FRMD4A: variants seen among roughly 807,000 people sequenced by gnomAD.
The protein encoded by FRMD4A is FERM domain-containing protein 4A.
FRMD4A carries 29 observed loss-of-function variants against 129.1 expected under a neutral mutation model. The observed-to-expected ratio is 0.22, with a 90% confidence interval of 0.17 to 0.31. The LOEUF is 0.31. FRMD4A is among the 10% of genes least tolerant of loss of function. The pLI is 1.00. For missense variants in FRMD4A, 1,272 were observed against 1,375.8 expected, an observed-to-expected ratio of 0.92 and a Z score of 1.19; for synonymous variants, 634 against 571.6, an observed-to-expected ratio of 1.11 and a Z score of -1.56.
chr10:13,673,481 C>G (rs185503724), intron 16 of FRMD4A, among the ~76,000 whole-genome samples: 1 of 152,156 alleles, frequency 6.6e-6, no homozygotes, highest in South Asian at 2.1e-4. Flanking sequence ...TGTTTACCGG[C>G]GAAGCTCTTT....
intron 2 of FRMD4A, among the ~76,000 whole-genome samples, chr10:13,869,267 C>T (rs11258682): frequency 0.12 from 18,784 of 152,138 alleles, 1,426 homozygotes; most frequent in Non-Finnish European, 0.17. Flanking sequence ...GACGATGAGG[C>T]GTGGACCCAG....
chr10:14,158,837 A>AGAGGAGGAGGAGGAG (rs71388159), intron 2 of FRMD4A, among the ~76,000 whole-genome samples: 43 of 137,132 alleles, frequency 3.1e-4, no homozygotes, highest in African/African-American at 9.8e-4. Context: ...AGGAGGAGAA[A>AGAGGAGGAGGAGGAG]GAGGAGGAGG....
chr10:13,997,039 T>C (rs868507799), intron 2 of FRMD4A, among the ~76,000 whole-genome samples: 4 of 134,796 alleles, frequency 3.0e-5, no homozygotes, highest in Non-Finnish European at 5.2e-5. Context: ...AAACAGGTTT[T>C]CCCTCTGCTA....
intron 2 of FRMD4A, among the ~76,000 whole-genome samples, chr10:14,191,404 A>G (rs1307061098): frequency 6.6e-6 from 1 of 152,228 alleles, no homozygotes; most frequent in Non-Finnish European, 1.5e-5. Flanking sequence ...GCCAGCTCCT[A>G]AGAGAAAGGA....
intron 2 of FRMD4A, among the ~76,000 whole-genome samples, chr10:14,085,594 A>G (rs1484485540): frequency 6.6e-6 from 1 of 152,290 alleles, no homozygotes; most frequent in Non-Finnish European, 1.5e-5. Flanking sequence ...GCCCATGGGG[A>G]TGCTGGGGAC....
chr10:13,667,718 C>T (rs1423197892), intron 17 of FRMD4A: 1 of 152,184 alleles, frequency 6.6e-6, no homozygotes, highest in African/African-American at 2.4e-5. Context: ...AAAACCCCTC[C>T]GGATCAGAGC....
At chr10:14,099,804 A>G (rs1321031631) in intron 2 of FRMD4A, among the ~76,000 whole-genome samples, 1 of 152,126 alleles carries the variant, frequency 6.6e-6, no homozygotes, top group African/African-American at 2.4e-5. Flanking sequence ...TAACTTTTTT[A>G]CTTTTGGAGA....
chr10:13,673,295 A>G (rs2083671820), intron 16 of FRMD4A, among the ~76,000 whole-genome samples: 1 of 152,182 alleles, frequency 6.6e-6, no homozygotes, highest in African/African-American at 2.4e-5. Context: ...TTCTGCTTTG[A>G]GCTGGCTCCG....
chr10:13,965,283 G>A (rs2095478690), intron 2 of FRMD4A, among the ~76,000 whole-genome samples: 1 of 152,018 alleles, frequency 6.6e-6, no homozygotes, highest in Admixed American at 6.6e-5. Context: ...ATCAAGATAT[G>A]GCTGCATCTT....
intron 2 of FRMD4A, among the ~76,000 whole-genome samples, chr10:13,932,185 TGC>T (rs1463166278): frequency 1.3e-5 from 2 of 152,112 alleles, no homozygotes; most frequent in Non-Finnish European, 2.9e-5. Context: ...CCTGGTCCTC[TGC>T]TTTGTCCTTG....
chr10:14,228,001 G>A (rs557792031), intron 2 of FRMD4A, among the ~76,000 whole-genome samples: 107 of 152,164 alleles, frequency 7.0e-4, no homozygotes, highest in African/African-American at 2.5e-3. Flanking sequence ...AGCCTCCCAA[G>A]GAGCTGCGAC....
chr10:13,742,008 C>T (rs1168263320), intron 9 of FRMD4A, among the ~76,000 whole-genome samples: 1 of 152,108 alleles, frequency 6.6e-6, no homozygotes, highest in African/African-American at 2.4e-5. Flanking sequence ...AGGTGTGTGT[C>T]ACCACACCTT....
intron 2 of FRMD4A, among the ~76,000 whole-genome samples, chr10:13,999,845 C>A (rs1192048303): frequency 1.3e-5 from 2 of 152,158 alleles, no homozygotes; most frequent in Non-Finnish European, 2.9e-5. Flanking sequence ...GGTGATGACA[C>A]GGATGTTCGT....
intron 3 of FRMD4A, among the ~76,000 whole-genome samples, chr10:13,829,312 G>C (rs72771055): frequency 0.014 from 2,140 of 152,230 alleles, 30 homozygotes; most frequent in Admixed American, 0.032. Context: ...ACTCCTTGAG[G>C]CCAGGAATTC....
At chr10:14,148,385 C>T (rs1421599713) in intron 2 of FRMD4A, among the ~76,000 whole-genome samples, 1 of 152,208 alleles carries the variant, frequency 6.6e-6, no homozygotes, top group Non-Finnish European at 1.5e-5. Flanking sequence ...CAGGAACTTG[C>T]CTTTGCAAAC....
intron 2 of FRMD4A, among the ~76,000 whole-genome samples, chr10:14,223,265 T>C (rs11817674): frequency 0.11 from 16,518 of 152,196 alleles, 1,930 homozygotes; most frequent in African/African-American, 0.29. Context: ...CTTTTCTCCA[T>C]TGGGACCAGG....
intron 3 of FRMD4A, among the ~76,000 whole-genome samples, chr10:13,845,591 C>T (rs2094032852): frequency 6.6e-6 from 1 of 152,154 alleles, no homozygotes; most frequent in Non-Finnish European, 1.5e-5. Flanking sequence ...CAGTGACTTG[C>T]CTGGGTTACC....
chr10:14,173,561 AGAG>A (rs1188338870), intron 2 of FRMD4A, among the ~76,000 whole-genome samples: 1 of 152,166 alleles, frequency 6.6e-6, no homozygotes, highest in Non-Finnish European at 1.5e-5. Context: ...GCTCTGAAGA[AGAG>A]GAGGAGGAAG....
chr10:13,895,968 G>C (rs1280807620), intron 2 of FRMD4A, among the ~76,000 whole-genome samples: 1 of 152,210 alleles, frequency 6.6e-6, no homozygotes, highest in Non-Finnish European at 1.5e-5. Flanking sequence ...ACCACAATGA[G>C]ATGCCATCTC....
Sources: allele counts gnomAD v4.1 joint callset (sites outside exome capture counted in the v4.1 genomes callset), GRCh38; gene constraint gnomAD v4.1.1; transcripts MANE v1.5; gene names NCBI Gene and HGNC (gene_info 2026-07-23, HGNC 2026-07-21).